PCDHA4: variants seen among roughly 807,000 people sequenced by gnomAD.
PCDHA4 encodes protocadherin alpha 4.
A neutral mutation model predicts 61.4 loss-of-function variants in PCDHA4; 49 were observed. That is an observed-to-expected ratio of 0.80 (90% confidence interval 0.63 to 1.01). The LOEUF (loss-of-function observed/expected upper bound fraction) is 1.01, where lower values mean the gene tolerates loss of function less well. Among genes scored for constraint, PCDHA4 ranks in the 50% least tolerant of loss-of-function variants. The pLI, the probability that PCDHA4 is intolerant of heterozygous loss-of-function variation, is 0.00. For missense variants in PCDHA4, 1,254 were observed against 1,235.8 expected, an observed-to-expected ratio of 1.01 and a Z score of -0.22; for synonymous variants, 590 against 550.3, an observed-to-expected ratio of 1.07 and a Z score of -1.01.
intron 1 of PCDHA4, chr5:140,857,205 G>A: frequency 6.3e-7 from 1 of 1,598,596 alleles, no homozygotes; most frequent in African/African-American, 1.3e-5. Flanking sequence ...CAGGTCACCT[G>A]CTCTCTGACG....
At chr5:140,948,679 A>C (rs1318286539) in intron 1 of PCDHA4, among the ~76,000 whole-genome samples, 1 of 151,394 alleles carries the variant, frequency 6.6e-6, no homozygotes, top group Admixed American at 6.6e-5. Context: ...CATCTTTTTC[A>C]TTTTTGATAT....
At position 141,007,395 on chromosome 5, in the gene PCDHA4, C is replaced by CA. The variant is rs35800918; in HGVS notation, c.2534-2209dup. 5.3e-3 allele frequency among the ~76,000 whole-genome samples: 498 copies of CA among 94,810 alleles called. 4 individuals carry two copies. The highest frequency in any genetic ancestry group is 0.049 in the East Asian group (166 of 3,398). 62.2% of individuals were successfully genotyped at this position (94,810 alleles called of 152,430 possible). On this transcript the variant is annotated intron_variant, in intron 3 of 3. Transcript: ENST00000530339. The stretch of plus-strand genomic sequence containing the variant: ...ATGGAACACCATCTCTACTAAAATA[C>CA]AAAAAAAAAAAAAAAAAAAAAAATT...
At chr5:140,985,228 C>T (rs1022229644) in intron 3 of PCDHA4, among the ~76,000 whole-genome samples, 2 of 152,156 alleles carry the variant, frequency 1.3e-5, no homozygotes, top group Admixed American at 6.5e-5. Flanking sequence ...TGAGCCACCG[C>T]GCCTGGCCTA....
intron 1 of PCDHA4, among the ~76,000 whole-genome samples, chr5:140,951,147 AATATAGT>A (rs1554219760): frequency 9.9e-6 from 1 of 100,716 alleles, no homozygotes; most frequent in African/African-American, 4.8e-5. Flanking sequence ...TATCTTATTG[AATATAGT>A]TATAGTAGCT....
At chr5:140,915,572 C>T (rs2077180575) in intron 1 of PCDHA4, among the ~76,000 whole-genome samples, 1 of 152,106 alleles carries the variant, frequency 6.6e-6, no homozygotes, top group Admixed American at 6.6e-5. Context: ...ATCTGGATTG[C>T]CAGGCAAAAG....
chr5:140,980,110 A>G (rs2096876892), intron 2 of PCDHA4, among the ~76,000 whole-genome samples: 1 of 152,208 alleles, frequency 6.6e-6, no homozygotes, highest in Admixed American at 6.5e-5. Context: ...GTCACATTGG[A>G]ACCTGGGTCA....
At position 140,832,752 on chromosome 5, in the gene PCDHA4, A is replaced by T. The variant is rs2150203756; in HGVS notation, c.2385+23180A>T. Among the ~76,000 whole-genome samples the T allele has an allele frequency of 2.0e-5, 3 of 152,322 alleles. No individual in the cohort carries two copies. In the East Asian group the frequency reaches 5.8e-4, roughly 29 times the overall value. ...ATCCTACATAAATACGATGATAGTA[A>T]AAGCAAGAATATTGTAAGAGGTGCT... is the stretch of plus-strand genomic sequence containing the variant. On this transcript the variant is annotated intron_variant, in intron 1 of 3. Coordinates refer to ENST00000530339, the MANE Select transcript of PCDHA4 (RefSeq NM_018907.4).
chr5:140,871,467 G>A (rs782618131), intron 1 of PCDHA4: 18 of 1,602,610 alleles, frequency 1.1e-5, no homozygotes, highest in Non-Finnish European at 1.3e-5. Context: ...GGGAAAGACA[G>A]GAGCCAGGGT....
intron 1 of PCDHA4, chr5:140,877,122 G>C: frequency 2.5e-6 from 4 of 1,613,718 alleles, no homozygotes; most frequent in Non-Finnish European, 3.4e-6. Context: ...GCAACGTGAC[G>C]CTGCAGGTGT....
chr5:140,862,874 T>G (rs2047608966), intron 1 of PCDHA4: 1 of 568,426 alleles, frequency 1.8e-6, no homozygotes, highest in South Asian at 1.4e-5. Context: ...CTGCCAGGTA[T>G]TAGTGCTGGA....
rs936514432 is a variant in PCDHA4, at chr5:140,822,241, G to A, written c.2385+12669G>A. ...AGATTCGCGGTTTCCGCTAGAGGGC[G>A]CGTCGGATTTGGATATTGGAGCAAA... is the stretch of plus-strand genomic sequence containing the variant. On this transcript the variant is annotated intron_variant, in intron 1 of 3. Transcript: ENST00000530339. 1.2e-6 allele frequency: 2 copies of A among 1,614,110 alleles called. No individual in the cohort carries two copies. Among genetic ancestry groups the A allele is most frequent in the East Asian group, 2.2e-5 (1 of 44,902 alleles).
At chr5:140,996,200 A>G (rs1338736394) in intron 3 of PCDHA4, among the ~76,000 whole-genome samples, 1 of 152,236 alleles carries the variant, frequency 6.6e-6, no homozygotes, top group South Asian at 2.1e-4. Flanking sequence ...CCCTCAATGC[A>G]AGGATATCAC....
intron 3 of PCDHA4, among the ~76,000 whole-genome samples, chr5:141,000,180 T>G (rs2153962126): frequency 6.6e-6 from 1 of 151,688 alleles, no homozygotes; most frequent in South Asian, 2.1e-4. Flanking sequence ...AGCCAAGGAG[T>G]CAATGTGAGA....
chr5:140,951,150 ATAGT>A (rs33995910), intron 1 of PCDHA4, among the ~76,000 whole-genome samples: 85,202 of 151,324 alleles, frequency 0.56, 24,547 homozygotes, highest in African/African-American at 0.69. Context: ...CTTATTGAAT[ATAGT>A]TATAGTAGCT....
intron 3 of PCDHA4, among the ~76,000 whole-genome samples, chr5:141,000,351 G>GTC: frequency 1.5e-5 from 1 of 66,852 alleles, no homozygotes; most frequent in Non-Finnish European, 2.9e-5. Flanking sequence ...CTCTCTCTCT[G>GTC]TCTCTCTCTG....
chr5:140,823,833 G>A, intron 1 of PCDHA4: 2 of 1,613,850 alleles, frequency 1.2e-6, no homozygotes, highest in Non-Finnish European at 1.7e-6. Flanking sequence ...CGGGCGCTGT[G>A]GGTCCCGAGG....
intron 1 of PCDHA4, chr5:140,884,171 C>A: frequency 6.2e-7 from 1 of 1,613,414 alleles, no homozygotes; most frequent in Non-Finnish European, 8.5e-7. Flanking sequence ...CAGCACGACG[C>A]GCCCTCTGGA....
intron 1 of PCDHA4, chr5:140,967,283 C>T: frequency 6.2e-7 from 1 of 1,613,158 alleles, no homozygotes; most frequent in Non-Finnish European, 8.5e-7. Context: ...AGAGAGTGCG[C>T]AGGACCCCGA....
chr5:140,816,917 T>A (rs1190742888), intron 1 of PCDHA4: 1 of 152,158 alleles, frequency 6.6e-6, no homozygotes, highest in Non-Finnish European at 1.5e-5. Context: ...AGTTATAGAT[T>A]CTGCTGAATC....
Sources: allele counts gnomAD v4.1 joint callset (sites outside exome capture counted in the v4.1 genomes callset), GRCh38; gene constraint gnomAD v4.1.1; transcripts MANE v1.5; gene names NCBI Gene and HGNC (gene_info 2026-07-23, HGNC 2026-07-21).